CRB1: variants seen among roughly 807,000 people sequenced by gnomAD.
CRB1 encodes crumbs cell polarity complex component 1.
Under a neutral mutation model 120.0 loss-of-function variants are expected in CRB1, and 83 were observed. The observed-to-expected ratio is 0.69, with a 90% CI of 0.58 to 0.83. The LOEUF is 0.83. Among genes scored for constraint, CRB1 ranks in the 40% least tolerant of loss-of-function variants. The probability of loss-of-function intolerance (pLI) is 0.00; values close to 1 mark genes in which losing one functional copy is unlikely to be tolerated. For missense variants in CRB1, 1,699 were observed against 1,687.6 expected, an observed-to-expected ratio of 1.01 and a Z score of -0.12; for synonymous variants, 625 against 612.5, an observed-to-expected ratio of 1.02 and a Z score of -0.30.
chr1:197,271,210 AG>A (rs1241638713), intron 1 of CRB1, among the ~76,000 whole-genome samples: 2 of 152,172 alleles, frequency 1.3e-5, no homozygotes, highest in Non-Finnish European at 2.9e-5. Flanking sequence ...AGAAATAAAA[AG>A]AAAGGGAGAA....
chr1:197,377,802 C>T (rs1661726872), intron 5 of CRB1, among the ~76,000 whole-genome samples: 1 of 151,752 alleles, frequency 6.6e-6, no homozygotes, highest in African/African-American at 2.4e-5. Flanking sequence ...AAAATGAAAC[C>T]TTTTTTTATG....
chr1:197,264,613 C>CT (rs750805262), upstream of CRB1, among the ~76,000 whole-genome samples: 3,705 of 131,024 alleles, frequency 0.028, 71 homozygotes, highest in African/African-American at 0.046. Flanking sequence ...GTGCATTCTT[C>CT]TTTTTTTTTT....
chr1:197,325,193 T>TGCACCGCCTCCCTCCC (rs1658424343), intron 1 of CRB1, among the ~76,000 whole-genome samples: 1 of 152,134 alleles, frequency 6.6e-6, no homozygotes, highest in Non-Finnish European at 1.5e-5. Flanking sequence ...GTGCCCCTCC[T>TGCACCGCCTCCCTCCC]GCACCGCCTC....
chr1:197,341,486 C>T (rs1035279754), intron 2 of CRB1, among the ~76,000 whole-genome samples: 16 of 151,490 alleles, frequency 1.1e-4, no homozygotes, highest in Admixed American at 2.6e-4. Context: ...GAGGTTGCAG[C>T]GAGCCAAGAA....
At chr1:197,313,944 T>C (rs1488439325) in intron 1 of CRB1, among the ~76,000 whole-genome samples, 1 of 152,226 alleles carries the variant, frequency 6.6e-6, no homozygotes, top group Non-Finnish European at 1.5e-5. Flanking sequence ...TAGGTCTGGT[T>C]AAATTTTAAA....
intron 5 of CRB1, among the ~76,000 whole-genome samples, chr1:197,368,054 A>G (rs771482364): frequency 1.3e-5 from 2 of 152,202 alleles, no homozygotes; most frequent in African/African-American, 2.4e-5. Flanking sequence ...TAAAATAGCC[A>G]TAGAGGGCCA....
chr1:197,432,414 A>G (rs976660679), intron 8 of CRB1, among the ~76,000 whole-genome samples: 5 of 151,780 alleles, frequency 3.3e-5, no homozygotes, highest in Non-Finnish European at 2.9e-5. Context: ...ATAGTAAAAA[A>G]CAATAAGATC....
At chr1:197,353,536 C>T (rs1660228023) in intron 4 of CRB1, among the ~76,000 whole-genome samples, 1 of 152,166 alleles carries the variant, frequency 6.6e-6, no homozygotes, top group Non-Finnish European at 1.5e-5. Flanking sequence ...TGAGGTGGCT[C>T]ACGCCTGTAA....
At position 197,356,819 on chromosome 1, in the gene CRB1, T is replaced by G. The variant is rs1558078148; in HGVS notation, c.989-12T>G. 1.9e-6 allele frequency: 3 copies of G among 1,613,988 alleles called. No individual in the cohort carries two copies. The highest frequency in any genetic ancestry group is 2.5e-6 in the Non-Finnish European group (3 of 1,179,976). On this transcript the variant is annotated splice_polypyrimidine_tract_variant and intron_variant, in intron 4 of 11. Coordinates refer to ENST00000367400, the MANE Select transcript of CRB1 (RefSeq NM_201253.3). ...TTTGACTTAGCAGCTTCTCTGAATTTTCATCATGCAGGATACACAGGTGCC... is the reference window on the plus strand; with the variant it reads ...TTTGACTTAGCAGCTTCTCTGAATTGTCATCATGCAGGATACACAGGTGCC...
intron 6 of CRB1, among the ~76,000 whole-genome samples, chr1:197,422,399 A>C (rs1664382897): frequency 6.6e-6 from 1 of 152,126 alleles, no homozygotes. Flanking sequence ...GTAAATATTC[A>C]TTTCCTTGCT....
chr1:197,206,353 A>G, the CRB1 span, among the ~76,000 whole-genome samples: 2 of 152,184 alleles, frequency 1.3e-5, no homozygotes, highest in South Asian at 2.1e-4. Flanking sequence ...TAGATTGTCT[A>G]TTTGTGCTCT....
the CRB1 span, among the ~76,000 whole-genome samples, chr1:197,244,036 C>G: frequency 6.6e-6 from 1 of 152,108 alleles, no homozygotes; most frequent in African/African-American, 2.4e-5. Context: ...GGTAGATATT[C>G]CTCCATCCCT....
chr1:197,433,471 A>G (rs1248834993), intron 8 of CRB1, among the ~76,000 whole-genome samples: 1 of 152,156 alleles, frequency 6.6e-6, no homozygotes, highest in Non-Finnish European at 1.5e-5. Flanking sequence ...CATTGTAACC[A>G]TGAAAGTGGT....
the CRB1 span, among the ~76,000 whole-genome samples, chr1:197,236,949 T>C: frequency 2.0e-5 from 3 of 152,170 alleles, no homozygotes; most frequent in Non-Finnish European, 4.4e-5. Context: ...ATTTTTTGCA[T>C]TTATGTTAGG....
At chr1:197,205,353 T>G in the CRB1 span, among the ~76,000 whole-genome samples, 1 of 152,210 alleles carries the variant, frequency 6.6e-6, no homozygotes, top group South Asian at 2.1e-4. Context: ...CTTTCAACTT[T>G]TCCCCATTCA....
chr1:197,365,709 C>CT (rs1360448083), intron 5 of CRB1, among the ~76,000 whole-genome samples: 1 of 148,476 alleles, frequency 6.7e-6, no homozygotes, highest in Non-Finnish European at 1.5e-5. Flanking sequence ...GTAGGTGGGA[C>CT]TCTCGTTCAA....
chr1:197,340,464 G>T (rs2821127), intron 2 of CRB1, among the ~76,000 whole-genome samples: 105,599 of 151,450 alleles, frequency 0.7, 36,980 homozygotes, highest in East Asian at 0.9. Flanking sequence ...AAGCAGACGA[G>T]GGTACAATTA....
chr1:197,317,026 A>G (rs896483416), intron 1 of CRB1, among the ~76,000 whole-genome samples: 1 of 152,212 alleles, frequency 6.6e-6, no homozygotes, highest in African/African-American at 2.4e-5. Context: ...AAGAAGACAC[A>G]TATATCTCAT....
intron 1 of CRB1, among the ~76,000 whole-genome samples, chr1:197,292,564 C>G (rs532615740): frequency 6.6e-6 from 1 of 152,054 alleles, no homozygotes; most frequent in Non-Finnish European, 1.5e-5. Flanking sequence ...TTTTATGAGG[C>G]CAGCATCATC....
Sources: allele counts gnomAD v4.1 joint callset (sites outside exome capture counted in the v4.1 genomes callset), GRCh38; gene constraint gnomAD v4.1.1; transcripts MANE v1.5; gene names NCBI Gene and HGNC (gene_info 2026-07-23, HGNC 2026-07-21).